The following LAMA5 variants were observed in gnomAD, a reference collection of about 807,000 sequenced individuals.
The protein encoded by LAMA5 is laminin subunit alpha-5.
A neutral mutation model predicts 433.4 loss-of-function variants in LAMA5; 260 were observed. The ratio of observed to expected loss-of-function variants is 0.60; its 90% CI spans 0.54 to 0.66. The LOEUF is 0.66. LAMA5 is among the 30% of genes least tolerant of loss of function. LAMA5 has a pLI of 0.00. For missense variants in LAMA5, 5,378 were observed against 5,258.5 expected (o/e 1.02, Z -0.70); for synonymous variants, 2,620 against 2,226.6 (o/e 1.18, Z -4.97).
At chr20:62,364,513 G>A (rs1182954241) in intron 1 of LAMA5, among the ~76,000 whole-genome samples, 2 of 152,240 alleles carry the variant, frequency 1.3e-5, no homozygotes, top group East Asian at 1.9e-4. Flanking sequence ...GCCACTCACT[G>A]AGCCACAGAG....
In LAMA5 at chr20:62,320,626, T is replaced by C. The variant is rs1350408826; in HGVS notation, c.6692A>G (p.Gln2231Arg). The part of the protein sequence containing the change: ...SPLGPRHETA[Q>R]QLEVLEQQST... ...CTGCTGCTCCAGCACCTCCAGCTGC[T>C]GTGCCGTCTCATGGCGGGGGCCCAG... The change falls in exon 50 of 80, where the codon CAG becomes CGG. Residue 2231 changes from glutamine (Q) to arginine (R), a missense_variant. By Grantham distance (43) the Gln-to-Arg change is conservative. Coordinates refer to ENST00000252999, the MANE Select transcript of LAMA5 (RefSeq NM_005560.6). 8 of 1,609,946 alleles carry C rather than the reference T, an allele frequency of 5.0e-6. No homozygotes were observed. Among genetic ancestry groups the C allele is most frequent in the Non-Finnish European group, 6.8e-6 (8 of 1,179,080 alleles).
intron 11 of LAMA5, among the ~76,000 whole-genome samples, chr20:62,342,038 C>T (rs1183702717): frequency 1.3e-5 from 2 of 150,820 alleles, no homozygotes; most frequent in Non-Finnish European, 3.0e-5. Flanking sequence ...CGTGGTGGCT[C>T]ATGCCTGTAA....
At position 62,346,776 on chromosome 20, in the gene LAMA5, G is replaced by A; in HGVS notation, c.1097C>T (p.Thr366Ile). 3 of 1,612,626 alleles carry A rather than the reference G, an allele frequency of 1.9e-6. No individual in the cohort carries two copies. Among genetic ancestry groups the A allele is most frequent in the Non-Finnish European group, 1.7e-6 (2 of 1,179,694 alleles). The change falls in exon 8 of 80, where the codon ACC becomes ATC. Residue 366 changes from threonine to isoleucine, a missense_variant. Physicochemically the swap from Thr to Ile is moderately conservative, Grantham distance 89 (BLOSUM62 -1). Coordinates refer to ENST00000252999, the MANE Select transcript of LAMA5 (RefSeq NM_005560.6). Reference sequence around the variant, plus strand: ...CACCTCAGGGTCGTAGTAACAGTCGGTGGCATGGCCGTAGCAGTTACAGGC... The same window carrying A: ...CACCTCAGGGTCGTAGTAACAGTCGATGGCATGGCCGTAGCAGTTACAGGC... ...CQSCNCYGHA[T>I]DCYYDPEVDR...
At chr20:62,334,967 C>A (rs1165880400) in intron 20 of LAMA5, 54 bp downstream of exon 20, 2 of 1,543,044 alleles carry the variant, frequency 1.3e-6, no homozygotes, top group Non-Finnish European at 1.8e-6. Context: ...GGTTCCCCAG[C>A]ATAAACCGAG....
At chr20:62,334,926 G>T in intron 20 of LAMA5, 95 bp downstream of exon 20, 1 of 1,207,370 alleles carries the variant, frequency 8.3e-7, no homozygotes, top group Non-Finnish European at 1.2e-6. Context: ...GCTTCATGCT[G>T]CCCAGGCTGC....
In LAMA5 at chr20:62,310,578, G is replaced by A. The variant is rs1448705302; in HGVS notation, c.10447-6C>T. 5.1e-6 allele frequency: 8 copies of A among 1,560,386 alleles called. No homozygotes were observed. Among genetic ancestry groups the A allele is most frequent in the South Asian group, 3.6e-5 (3 of 82,676 alleles). Reference sequence around the variant, plus strand: ...CCGCTGAACCCGACGGTCACCTATAGGAGCAGACCGGGCAGGGATCAGGGC... The same window carrying A: ...CCGCTGAACCCGACGGTCACCTATAAGAGCAGACCGGGCAGGGATCAGGGC... On this transcript the variant is annotated splice_polypyrimidine_tract_variant and splice_region_variant and intron_variant, in intron 75 of 79. Transcript: ENST00000252999.
In LAMA5 at chr20:62,341,038, C is replaced by CT. The variant is rs1982511345; in HGVS notation, c.1478-2431_1478-2430insA. ...TGGGTGACAGAGTGAGACTCTGTGT[C>CT]AAAATAAATAAATAAATAAATAAAT... On this transcript the variant is annotated intron_variant, in intron 11 of 79. Coordinates refer to ENST00000252999, the MANE Select transcript of LAMA5 (RefSeq NM_005560.6). 2.2e-5 allele frequency among the ~76,000 whole-genome samples: 3 copies of CT among 134,692 alleles called. No homozygotes were observed. In the South Asian group the frequency reaches 7.3e-4, roughly 33 times the overall value. The allele number at this position is 134,692 out of a possible 152,430, so 88.4% of individuals were successfully genotyped here.
In LAMA5 at chr20:62,315,753, C is replaced by T. The variant is rs147619472; in HGVS notation, c.7867+195G>A. The stretch of plus-strand genomic sequence containing the variant: ...AGCACTTCCAAGCTTGCCAGGCTCC[C>T]GACGGCTGGGGCTGTCTGTGCTATC... On this transcript the variant is annotated intron_variant, in intron 58 of 79. Transcript: ENST00000252999. 7.7e-3 allele frequency among the ~76,000 whole-genome samples: 1,177 copies of T among 152,326 alleles called. 60 individuals are homozygous for T. Among genetic ancestry groups the T allele is most frequent in the Admixed American group, 0.064 (973 of 15,292 alleles).
At chr20:62,311,835 CA>C (rs1210884587) in intron 70 of LAMA5, 51 bp from the exon 71 acceptor site, 5 of 1,555,730 alleles carry the variant, frequency 3.2e-6, no homozygotes, top group Non-Finnish European at 4.4e-6. Flanking sequence ...TGCCCACCCC[CA>C]CCTCAGAGGA....
At position 62,334,154 on chromosome 20, in the gene LAMA5, G is replaced by A. The variant is rs373365136; in HGVS notation, c.2739+32C>T. On this transcript the variant is annotated intron_variant, in intron 22 of 79. Coordinates refer to ENST00000252999, the MANE Select transcript of LAMA5 (RefSeq NM_005560.6). ...CAGCCACGCCTGGCTCCACTTCTAG[G>A]CTGAGCCTGGGAGGGGGAGCACAGC... is the stretch of plus-strand genomic sequence containing the variant. 26 of 1,603,870 alleles carry A rather than the reference G, an allele frequency of 1.6e-5. No individual in the cohort carries two copies. In the African/African-American group the frequency reaches 2.1e-4, roughly 13 times the overall value.
chr20:62,319,431 C>A (rs138905557), intron 51 of LAMA5, among the ~76,000 whole-genome samples: 1 of 152,074 alleles, frequency 6.6e-6, no homozygotes, highest in East Asian at 1.9e-4. Context: ...TCTGTGAGCG[C>A]GAACATCTAA....
intron 18 of LAMA5, among the ~76,000 whole-genome samples, chr20:62,335,961 C>T (rs900471599): frequency 1.7e-4 from 24 of 144,192 alleles, no homozygotes; most frequent in African/African-American, 5.5e-4. Context: ...TGGGTGCCAT[C>T]CCCTGAGGAA....
rs1433580717 is a variant in LAMA5 at position 62,366,982 on chromosome 20, G to A, written c.264C>T (p.Pro88=). ...EDLYCKLVGG[P]VAGGDPNQTI... ...TCTGGTTGGGGTCGCCGCCGGCCAC[G>A]GGGCCCCCTACCAGCTTGCAGTAAA... The change falls in exon 1 of 80, where the codon CCC becomes CCT. Residue 88 remains proline, a synonymous_variant. Coordinates refer to ENST00000252999, the MANE Select transcript of LAMA5 (RefSeq NM_005560.6). 3 of 1,278,212 alleles carry A rather than the reference G, an allele frequency of 2.3e-6. No individual in the cohort carries two copies. The highest frequency in any genetic ancestry group is 3.0e-6 in the Non-Finnish European group (3 of 1,013,092). The allele number at this position is 1,278,212 out of a possible 1,614,324, so 79.2% of individuals were successfully genotyped here. A position where few individuals can be genotyped will look rare whatever the true frequency, so the allele number is the denominator to read the frequency against.
At position 62,334,638 on chromosome 20, in the gene LAMA5, G is replaced by A. The variant is rs1468203879; in HGVS notation, c.2483-17C>T. 1.3e-6 allele frequency: 2 copies of A among 1,539,948 alleles called. No individual in the cohort carries two copies. The highest frequency in any genetic ancestry group is 3.9e-5 in the Admixed American group (2 of 50,790). On this transcript the variant is annotated splice_polypyrimidine_tract_variant and intron_variant, in intron 20 of 79. Coordinates refer to ENST00000252999, the MANE Select transcript of LAMA5 (RefSeq NM_005560.6). ...ACCGGCAGCCTGCAGGGAGAAGGTG[G>A]GAGGTCAGAGGCTGCCTGGCCCCCA...
chr20:62,335,153 G>A (rs1981336522), intron 19 of LAMA5, 27 bp from the exon 20 acceptor site: 2 of 1,612,338 alleles, frequency 1.2e-6, no homozygotes, highest in Non-Finnish European at 1.7e-6. Context: ...GAGGTGAAGT[G>A]GGGCAGGGGA....
At position 62,309,280 on chromosome 20, in the gene LAMA5, A is replaced by C; in HGVS notation, c.*56T>G. ...AATAGACACCTATGAGGCGAGCACAAGGGGCGGTGTGAGGCAGCTGCAGGG... is the reference window on the plus strand; with the variant it reads ...AATAGACACCTATGAGGCGAGCACACGGGGCGGTGTGAGGCAGCTGCAGGG... On this transcript the variant is annotated 3_prime_UTR_variant, in exon 80 of 80. Transcript: ENST00000252999. The C allele has an allele frequency of 6.4e-7, 1 of 1,558,564 alleles. No homozygotes were observed.
intron 17 of LAMA5, 40 bp from the exon 18 acceptor site, chr20:62,336,485 G>C (rs749341259): frequency 6.6e-7 from 1 of 1,519,252 alleles, no homozygotes; most frequent in East Asian, 2.3e-5. Flanking sequence ...CGGGCGCCCT[G>C]CTCTCCCACC....
chr20:62,362,295 C>G, intron 2 of LAMA5, 105 bp downstream of exon 2: 1 of 1,180,782 alleles, frequency 8.5e-7, no homozygotes, highest in Non-Finnish European at 1.1e-6. Flanking sequence ...GGCCCCAGGT[C>G]TCGCTCACGG....
chr20:62,331,759 A>G (rs1980505677), intron 28 of LAMA5, among the ~76,000 whole-genome samples: 1 of 152,234 alleles, frequency 6.6e-6, no homozygotes, highest in South Asian at 2.1e-4. Flanking sequence ...TGGCATTTAT[A>G]GAAAGTGCCA....
Sources: allele counts gnomAD v4.1 joint callset (sites outside exome capture counted in the v4.1 genomes callset), GRCh38; gene constraint gnomAD v4.1.1; transcripts MANE v1.5; gene names NCBI Gene and HGNC (gene_info 2026-07-23, HGNC 2026-07-21).